SNX14: variants seen among roughly 807,000 people sequenced by gnomAD.
SNX14 encodes the protein sorting nexin-14.
In SNX14, 93 loss-of-function variants were observed where a neutral mutation model predicts 133.8. The ratio of observed to expected loss-of-function variants is 0.70; its 90% CI spans 0.59 to 0.83. The LOEUF is 0.83. Among genes scored for constraint, SNX14 ranks in the 40% least tolerant of loss-of-function variants. The pLI, the probability that SNX14 is intolerant of heterozygous loss-of-function variation, is 0.00. For synonymous variants in SNX14, 368 were observed against 365.6 expected (o/e 1.01, Z -0.07); for missense variants, 945 against 1,094.9 (o/e 0.86, Z 1.93).
At chr6:85,547,622 TATC>T (rs1203484922) in intron 9 of SNX14, 72 bp from the exon 10 acceptor site, 2 of 1,247,466 alleles carry the variant, frequency 1.6e-6, no homozygotes, top group African/African-American at 1.5e-5. Flanking sequence ...TCATAACTTG[TATC>T]ATATTATGTA....
chr6:85,535,524 G>A (rs1435658877), intron 17 of SNX14, among the ~76,000 whole-genome samples: 1 of 150,864 alleles, frequency 6.6e-6, no homozygotes, highest in African/African-American at 2.4e-5. Flanking sequence ...GCTGAGGCAG[G>A]AGCCCGGGAG....
intron 4 of SNX14, among the ~76,000 whole-genome samples, chr6:85,569,755 C>T (rs11754316): frequency 0.016 from 2,441 of 152,186 alleles, 28 homozygotes; most frequent in Middle Eastern, 0.027. Context: ...GTAAAATTAT[C>T]AATAATAGTA....
At position 85,513,469 on chromosome 6, in the gene SNX14, A is replaced by T. The variant is rs549233631; in HGVS notation, c.2653+331T>A. Among the ~76,000 whole-genome samples, 7 of 152,334 alleles carry T rather than the reference A, an allele frequency of 4.6e-5. No individual in the cohort carries two copies. In the East Asian group the frequency reaches 1.3e-3, roughly 29 times the overall value. Reference sequence around the variant, plus strand: ...AATGAATGAATTCTGATCTTTTATCATACACACTAGTGAGCTATTCTTATG... The same window carrying T: ...AATGAATGAATTCTGATCTTTTATCTTACACACTAGTGAGCTATTCTTATG... On this transcript the variant is annotated intron_variant, in intron 26 of 28. Coordinates refer to ENST00000314673, the MANE Select transcript of SNX14 (RefSeq NM_153816.6).
chr6:85,510,952 C>T (rs909063684), intron 26 of SNX14, among the ~76,000 whole-genome samples: 1 of 152,140 alleles, frequency 6.6e-6, no homozygotes, highest in Non-Finnish European at 1.5e-5. Flanking sequence ...TTTGTCAATA[C>T]CCACAAAACA....
intron 21 of SNX14, among the ~76,000 whole-genome samples, chr6:85,519,467 G>C (rs935871076): frequency 8.5e-5 from 13 of 152,186 alleles, no homozygotes; most frequent in African/African-American, 3.1e-4. Flanking sequence ...CATCTCTACA[G>C]ATATTTAAAA....
intron 28 of SNX14, among the ~76,000 whole-genome samples, chr6:85,506,962 C>T (rs1770923577): frequency 6.6e-6 from 1 of 152,110 alleles, no homozygotes; most frequent in African/African-American, 2.4e-5. Context: ...GACTTACACT[C>T]ACTTCTTCCC....
Position 85,548,350 on chromosome 6 carries a change from ATC to A in SNX14, c.816_817del (p.Glu272AspfsTer16), listed in dbSNP as rs755347194. 1.9e-6 allele frequency: 3 copies of A among 1,607,504 alleles called. No individual in the cohort carries two copies. Among genetic ancestry groups the A allele is most frequent in the South Asian group, 1.1e-5 (1 of 89,294 alleles). ...AGGAAGGAACACAGAGCCAGACAGAATCTCTCTTATAAGTAAGGTCAGAGATC... is the reference window on the plus strand; with the variant it reads ...AGGAAGGAACACAGAGCCAGACAGAATCTCTTATAAGTAAGGTCAGAGATC... On this transcript the variant is annotated frameshift_variant, in exon 9 of 29. Transcript: ENST00000314673. LOFTEE classifies it high-confidence loss of function.
intron 1 of SNX14, among the ~76,000 whole-genome samples, chr6:85,580,421 G>A (rs1798676420): frequency 6.6e-6 from 1 of 152,126 alleles, no homozygotes; most frequent in South Asian, 2.1e-4. Context: ...CTGCTCTGAT[G>A]GCTACAAAGA....
At chr6:85,579,604 G>A (rs1252536537) in intron 1 of SNX14, among the ~76,000 whole-genome samples, 2 of 152,150 alleles carry the variant, frequency 1.3e-5, no homozygotes, top group East Asian at 3.9e-4. Context: ...TTGAGAGAGG[G>A]ACAACACAGT....
chr6:85,571,547 C>T (rs905025883), intron 4 of SNX14, among the ~76,000 whole-genome samples: 1 of 152,136 alleles, frequency 6.6e-6, no homozygotes, highest in Admixed American at 6.5e-5. Context: ...TGACCTGATA[C>T]TTGGTGCTAG....
In SNX14 at chr6:85,576,978, A is replaced by G. The variant is rs545196000; in HGVS notation, c.141-2600T>C. Among the ~76,000 whole-genome samples the G allele has an allele frequency of 1.2e-3, 189 of 152,364 alleles. 1 individual carries two copies. Among genetic ancestry groups the G allele is most frequent in the African/African-American group, 4.2e-3 (175 of 41,580 alleles). ...AGAATGGCCTAGACTGGAAACACAC[A>G]GCCTAGTTAGAAAACTGTTGCAGTA... is the stretch of plus-strand genomic sequence containing the variant. On this transcript the variant is annotated intron_variant, in intron 1 of 28. Transcript: ENST00000314673.
At chr6:85,528,710 T>C (rs765953141) in intron 19 of SNX14, among the ~76,000 whole-genome samples, 1 of 152,164 alleles carries the variant, frequency 6.6e-6, no homozygotes, top group Non-Finnish European at 1.5e-5. Context: ...AAATAACTAA[T>C]TTCTCACAGG....
intron 21 of SNX14, among the ~76,000 whole-genome samples, chr6:85,518,406 G>A (rs990968808): frequency 5.3e-5 from 8 of 152,048 alleles, no homozygotes; most frequent in Admixed American, 1.3e-4. Context: ...CAGTAACAGT[G>A]AATATATAAT....
chr6:85,517,515 A>C, intron 23 of SNX14: 1 of 313,744 alleles, frequency 3.2e-6, no homozygotes, highest in Non-Finnish European at 5.6e-6. Flanking sequence ...AAAAATCCCC[A>C]AATACAGAAG....
At chr6:85,538,665 T>G (rs915724652) in intron 16 of SNX14, among the ~76,000 whole-genome samples, 173 bp downstream of exon 16, 8 of 152,104 alleles carry the variant, frequency 5.3e-5, no homozygotes, top group African/African-American at 1.9e-4. Context: ...AAAAAGGAGG[T>G]ATGTAGAATA....
At chr6:85,528,766 C>T (rs770433576) in intron 19 of SNX14, among the ~76,000 whole-genome samples, 7 of 152,074 alleles carry the variant, frequency 4.6e-5, no homozygotes, top group Non-Finnish European at 8.8e-5. Flanking sequence ...GGCTTAAAAT[C>T]ACAATGTAGG....
chr6:85,533,261 C>T (rs1025531861), intron 18 of SNX14, among the ~76,000 whole-genome samples: 1 of 152,178 alleles, frequency 6.6e-6, no homozygotes, highest in Non-Finnish European at 1.5e-5. Context: ...AGAATAATAC[C>T]TGATACAGTG....
chr6:85,537,688 C>G (rs1221767964), intron 16 of SNX14, among the ~76,000 whole-genome samples: 5 of 152,234 alleles, frequency 3.3e-5, no homozygotes, highest in Non-Finnish European at 1.5e-5. Flanking sequence ...GTGGCTCACA[C>G]TTGTAATCCC....
intron 12 of SNX14, among the ~76,000 whole-genome samples, chr6:85,544,308 T>C (rs779963459): frequency 4.6e-5 from 7 of 152,128 alleles, no homozygotes; most frequent in Non-Finnish European, 8.8e-5. Flanking sequence ...GTTTACCTTT[T>C]ACTTCTTAAT....
Sources: gnomAD v4.1 joint callset for allele counts (sites outside exome capture counted in the v4.1 genomes callset) on GRCh38, gnomAD v4.1.1 for gene constraint, MANE v1.5 for transcripts, NCBI Gene and HGNC (gene_info 2026-07-23, HGNC 2026-07-21) for gene names.